GNB4: variants seen among roughly 807,000 people sequenced by gnomAD.
GNB4 encodes guanine nucleotide-binding protein subunit beta-4.
GNB4 carries 28 observed loss-of-function variants against 45.2 expected under a neutral mutation model. That is an observed-to-expected ratio of 0.62 (90% CI 0.46 to 0.85). GNB4 has a LOEUF of 0.85. GNB4 is among the 40% of genes least tolerant of loss of function. GNB4 has a pLI of 0.00. For synonymous variants in GNB4, 132 were observed against 143.7 expected (o/e 0.92, Z 0.58); for missense variants, 321 against 425.4 (o/e 0.75, Z 2.16).
At chr3:179,519,121 T>C in the GNB4 span, among the ~76,000 whole-genome samples, 9 of 152,168 alleles carry the variant, frequency 5.9e-5, no homozygotes, top group South Asian at 2.1e-4. Flanking sequence ...GGCCTGCCTC[T>C]CCCAGGAGCT....
intron 1 of GNB4, chr3:179,451,077 G>A (rs1715859613): frequency 6.6e-6 from 1 of 152,216 alleles, no homozygotes. Context: ...GCTCCCCGGG[G>A]CGAGCGGTCT....
In GNB4 at chr3:179,405,329, T is replaced by C. The variant is rs758164011; in HGVS notation, c.777A>G (p.Gln259=). 6.2e-7 allele frequency: 1 copy of C among 1,614,038 alleles called. No individual in the cohort carries two copies. Among genetic ancestry groups the C allele is most frequent in the African/African-American group, 1.3e-5 (1 of 74,940 alleles). ...TCRLFDLRAD[Q]ELLLYSHDNI... ...TGTCATGAGAATACAATAATAACTC[T>C]TGATCTGCACGAAGGTCAAAGAGCC... The change falls in exon 9 of 10, where the codon CAA becomes CAG. Residue 259 remains glutamine (Q), a synonymous_variant. Coordinates refer to ENST00000232564, the MANE Select transcript of GNB4 (RefSeq NM_021629.4).
intron 8 of GNB4, 33 bp downstream of exon 8, chr3:179,413,376 CATA>C (rs1286909517): frequency 1.3e-6 from 2 of 1,526,106 alleles, no homozygotes; most frequent in Non-Finnish European, 1.8e-6. Flanking sequence ...ACTTTAAATG[CATA>C]ATAAATTTTC....
intron 3 of GNB4, among the ~76,000 whole-genome samples, chr3:179,420,066 T>G (rs769739272): frequency 2.6e-5 from 4 of 151,498 alleles, no homozygotes; most frequent in Non-Finnish European, 5.9e-5. Flanking sequence ...AATCAGAAAC[T>G]ATTTAAAAAG....
At chr3:179,493,084 A>G in the GNB4 span, among the ~76,000 whole-genome samples, 2 of 152,160 alleles carry the variant, frequency 1.3e-5, no homozygotes, top group Admixed American at 1.3e-4. Flanking sequence ...GACTGTTTCC[A>G]CTGAAAACAG....
chr3:179,499,345 G>A, the GNB4 span, among the ~76,000 whole-genome samples: 1 of 151,966 alleles, frequency 6.6e-6, no homozygotes, highest in East Asian at 1.9e-4. Context: ...ATTTTTAGTA[G>A]AGACAGGGTT....
chr3:179,421,415 A>C (rs531995846), intron 2 of GNB4, among the ~76,000 whole-genome samples: 1 of 152,250 alleles, frequency 6.6e-6, no homozygotes, highest in African/African-American at 2.4e-5. Context: ...TAATAAAAAA[A>C]GTTTTACACC....
the GNB4 span, among the ~76,000 whole-genome samples, chr3:179,468,268 G>A: frequency 2.2e-4 from 33 of 151,592 alleles, no homozygotes; most frequent in African/African-American, 7.7e-4. Flanking sequence ...GGCTGAGGTG[G>A]GTGGATCACC....
At chr3:179,503,956 G>A in the GNB4 span, among the ~76,000 whole-genome samples, 1 of 152,128 alleles carries the variant, frequency 6.6e-6, no homozygotes, top group South Asian at 2.1e-4. Context: ...GATAAAGCTA[G>A]GTTGAACTAA....
At chr3:179,498,321 G>C in the GNB4 span, among the ~76,000 whole-genome samples, 1 of 152,324 alleles carries the variant, frequency 6.6e-6, no homozygotes, top group East Asian at 1.9e-4. Flanking sequence ...TGGTCAGAGG[G>C]AGAAGTTAAA....
chr3:179,438,214 CA>C (rs1715509921), intron 1 of GNB4, among the ~76,000 whole-genome samples: 1 of 152,160 alleles, frequency 6.6e-6, no homozygotes, highest in Admixed American at 6.5e-5. Context: ...ATTTAGTTCT[CA>C]AAACAACCTC....
rs998746197 is a variant in GNB4 at position 179,420,835 on chromosome 3, T to G, written c.96+54A>C. 1.4e-5 allele frequency: 15 copies of G among 1,082,750 alleles called. No homozygotes were observed. The African/African-American group carries it at 1.7e-4, about 12-fold the overall frequency. The allele number at this position is 1,082,750 out of a possible 1,614,324, so 67.1% of individuals were successfully genotyped here. A position where few individuals can be genotyped will look rare whatever the true frequency, so the allele number is the denominator to read the frequency against. ...AGAATCTGAATGTCATTTGCCTCTA[T>G]GTCAAATTATTTTATGAGTTACCAA... On this transcript the variant is annotated intron_variant, in intron 3 of 9. Transcript: ENST00000232564.
chr3:179,446,523 T>C (rs1318773118), intron 1 of GNB4, among the ~76,000 whole-genome samples: 1 of 152,228 alleles, frequency 6.6e-6, no homozygotes, highest in African/African-American at 2.4e-5. Context: ...CATTTTCTTT[T>C]CATTCTTTCT....
chr3:179,506,164 A>T, the GNB4 span, among the ~76,000 whole-genome samples: 1 of 152,064 alleles, frequency 6.6e-6, no homozygotes, highest in Admixed American at 6.6e-5. Flanking sequence ...GTAACATGGT[A>T]AAACCCTGTG....
At chr3:179,472,370 CT>C in the GNB4 span, among the ~76,000 whole-genome samples, 22,426 of 133,036 alleles carry the variant, frequency 0.17, 1,813 homozygotes, top group Middle Eastern at 0.33. Context: ...TTCTTTCTTT[CT>C]TTTTTTTTTT....
chr3:179,409,277 G>A (rs977996789), intron 8 of GNB4, among the ~76,000 whole-genome samples: 3 of 151,750 alleles, frequency 2.0e-5, no homozygotes, highest in African/African-American at 4.8e-5. Flanking sequence ...TTGGGAGGCC[G>A]AGGTGGGTGG....
intron 1 of GNB4, among the ~76,000 whole-genome samples, chr3:179,445,452 T>C (rs1197931139): frequency 2.0e-5 from 3 of 152,130 alleles, no homozygotes; most frequent in Admixed American, 1.3e-4. Context: ...GCTTGGCTAA[T>C]TTTTGTATTT....
chr3:179,401,056 C>A lies in GNB4; in HGVS notation c.*157G>T, dbSNP rs1028882056. 7.7e-6 allele frequency: 4 copies of A among 522,322 alleles called. No homozygotes were observed. The highest frequency in any genetic ancestry group is 1.3e-5 in the Non-Finnish European group (4 of 296,778). The allele number at this position is 522,322 out of a possible 1,614,324, so 32.4% of individuals were successfully genotyped here. ...GCCTTTGCCTTTTTTCCTCCACCCC[C>A]ACTTTTTTTTTGGTAGTTTACTGAA... On this transcript the variant is annotated 3_prime_UTR_variant, in exon 10 of 10. Transcript: ENST00000232564.
At chr3:179,468,031 T>TTAAAAAA in the GNB4 span, among the ~76,000 whole-genome samples, 61 of 67,248 alleles carry the variant, frequency 9.1e-4, no homozygotes, top group African/African-American at 3.2e-3. Flanking sequence ...ATTTTGTTGA[T>TTAAAAAA]AAAAATATAT....
Sources: gnomAD v4.1 joint callset for allele counts (sites outside exome capture counted in the v4.1 genomes callset) on GRCh38, gnomAD v4.1.1 for gene constraint, MANE v1.5 for transcripts, NCBI Gene and HGNC (gene_info 2026-07-23, HGNC 2026-07-21) for gene names.